Variants in RAD23B observed in about 807,000 individuals in gnomAD.
RAD23B encodes the protein lysine-specific demethylase RAD23B.
A neutral mutation model predicts 49.1 loss-of-function variants in RAD23B; 5 were observed. The ratio of observed to expected loss-of-function variants is 0.10; its 90% CI spans 0.05 to 0.21. The LOEUF (loss-of-function observed/expected upper bound fraction) is 0.21, where lower values mean the gene tolerates loss of function less well. RAD23B is among the 10% of genes least tolerant of loss of function. RAD23B has a pLI of 1.00. For missense variants in RAD23B, 356 were observed against 486.7 expected (o/e 0.73, Z 2.53); for synonymous variants, 184 against 165.4 (o/e 1.11, Z -0.86).
chr9:107,297,151 C>T (rs1157853243), intron 1 of RAD23B, among the ~76,000 whole-genome samples: 1 of 151,292 alleles, frequency 6.6e-6, no homozygotes, highest in African/African-American at 2.4e-5. Flanking sequence ...TGCGCCTGGC[C>T]TCTTAATTTC....
chr9:107,297,888 T>C (rs1365042330), intron 1 of RAD23B, among the ~76,000 whole-genome samples: 8 of 152,152 alleles, frequency 5.3e-5, no homozygotes, highest in African/African-American at 1.9e-4. Flanking sequence ...TTCCTGCATG[T>C]TTATTTTCTT....
rs1833195816 is a variant in RAD23B, at chr9:107,283,398, G to A, written c.-232G>A. 7.0e-6 allele frequency: 3 copies of A among 428,524 alleles called. No individual in the cohort carries two copies. In the South Asian group the frequency reaches 2.2e-4, roughly 32 times the overall value. 26.5% of individuals were successfully genotyped at this position (428,524 alleles called of 1,614,324 possible). ...TGGCGCTCGGCGCGTGAGGAAGCAC[G>A]GCGGCCCGAGTTCGCGGGGAAGGCC... On this transcript the variant is annotated 5_prime_UTR_variant, in exon 1 of 10. Coordinates refer to ENST00000358015, the MANE Select transcript of RAD23B (RefSeq NM_002874.5).
chr9:107,320,377 A>G (rs1285038453), intron 6 of RAD23B, among the ~76,000 whole-genome samples: 3 of 152,218 alleles, frequency 2.0e-5, no homozygotes, highest in East Asian at 3.8e-4. Flanking sequence ...AGAATTCTGT[A>G]TAAGTTCAAC....
intron 6 of RAD23B, among the ~76,000 whole-genome samples, chr9:107,319,221 C>A (rs1827061540): frequency 1.3e-5 from 2 of 150,960 alleles, no homozygotes. Context: ...AGCTCCACCT[C>A]CCAGGTTCAC....
At position 107,320,341 on chromosome 9, in the gene RAD23B, G is replaced by A. The variant is rs143497141; in HGVS notation, c.681+1462G>A. Among the ~76,000 whole-genome samples the A allele has an allele frequency of 1.5e-3, 231 of 152,284 alleles. 1 individual carries two copies. The highest frequency in any genetic ancestry group is 5.2e-3 in the African/African-American group (215 of 41,570). On this transcript the variant is annotated intron_variant, in intron 6 of 9. Transcript: ENST00000358015. The stretch of plus-strand genomic sequence containing the variant: ...TTGTATAAAAGTATTAGCTTTTATG[G>A]AGTGGCTTTCATTTACACCTGATTT...
intron 4 of RAD23B, among the ~76,000 whole-genome samples, chr9:107,309,945 AAAAAAC>A (rs1587856776): frequency 6.6e-6 from 1 of 151,268 alleles, no homozygotes. Context: ...AAAAAAAAAA[AAAAAAC>A]CAATGTGTGA....
Position 107,306,532 on chromosome 9 carries a change from C to G in RAD23B, c.382C>G (p.Pro128Ala). The G allele has an allele frequency of 6.2e-7, 1 of 1,614,118 alleles. No individual in the cohort carries two copies. ...CACTTCCACACCTGCATCCATCACT[C>G]CAGCATCAGCGACAGCATCTTCTGA... ...APTSTPASIT[P>A]ASATASSEPA... is the part of the protein sequence containing the mutation. Residue 128 changes from proline (P) to alanine (A), a missense_variant, in exon 4 of 10, where the codon CCA (proline) becomes GCA (alanine). Coordinates refer to ENST00000358015, the MANE Select transcript of RAD23B (RefSeq NM_002874.5).
intron 9 of RAD23B, among the ~76,000 whole-genome samples, chr9:107,328,537 C>T (rs964160058): frequency 2.0e-5 from 3 of 152,176 alleles, no homozygotes; most frequent in Non-Finnish European, 2.9e-5. Flanking sequence ...GGTTCATGCT[C>T]ATATGAGAAT....
rs536340565 is a variant in RAD23B at position 107,331,861 on chromosome 9, G to A, written c.*2205G>A. Reference sequence around the variant, plus strand: ...TTATCTGCTTCTTAAAGAATCAGCCGAGACACCATAAAAGAAATAGGCTTT... The same window carrying A: ...TTATCTGCTTCTTAAAGAATCAGCCAAGACACCATAAAAGAAATAGGCTTT... On this transcript the variant is annotated 3_prime_UTR_variant, in exon 10 of 10. Transcript: ENST00000358015. 116 of 560,794 alleles carry A rather than the reference G, an allele frequency of 2.1e-4. No homozygotes were observed. Among genetic ancestry groups the A allele is most frequent in the African/African-American group, 1.9e-3 (102 of 53,304 alleles). 34.7% of individuals were successfully genotyped at this position (560,794 alleles called of 1,614,324 possible). A position where few individuals can be genotyped will look rare whatever the true frequency, so the allele number is the denominator to read the frequency against.
At chr9:107,311,611 A>G in intron 4 of RAD23B, 71 bp from the exon 5 acceptor site, 1 of 1,018,518 alleles carries the variant, frequency 9.8e-7, no homozygotes, top group East Asian at 2.8e-5. Flanking sequence ...CCAATTGGAT[A>G]GTTACTAAAC....
rs1018103264 is a variant in RAD23B, at chr9:107,306,312, A to G, written c.229-67A>G. The G allele has an allele frequency of 2.9e-5, 43 of 1,466,906 alleles. No homozygotes were observed. The Admixed American group carries it at 8.0e-4, about 27-fold the overall frequency. 90.9% of individuals were successfully genotyped at this position (1,466,906 alleles called of 1,614,324 possible). On this transcript the variant is annotated intron_variant, in intron 3 of 9. Coordinates refer to ENST00000358015, the MANE Select transcript of RAD23B (RefSeq NM_002874.5). The stretch of plus-strand genomic sequence containing the variant: ...TGTTTGTGGCATCCTGTAACGGTAC[A>G]GTCTAATTAGAGATCAGGCAGTATG...
chr9:107,318,610 T>C lies in RAD23B; in HGVS notation c.554-142T>C. On this transcript the variant is annotated intron_variant, in intron 5 of 9. Coordinates refer to ENST00000358015, the MANE Select transcript of RAD23B (RefSeq NM_002874.5). The surrounding 1 kb of genome is among the most constrained non-coding windows in gnomAD (Gnocchi z 4.3). Reference sequence around the variant, plus strand: ...TTGGGGGACCATTACCTACTACATATATGTTGTAATTTATACTGTTACTCA... The same window carrying C: ...TTGGGGGACCATTACCTACTACATACATGTTGTAATTTATACTGTTACTCA... The C allele has an allele frequency of 3.3e-6, 3 of 895,662 alleles. No homozygotes were observed. Among genetic ancestry groups the C allele is most frequent in the East Asian group, 2.8e-5 (1 of 35,464 alleles). 55.5% of individuals were successfully genotyped at this position (895,662 alleles called of 1,614,324 possible). A position where few individuals can be genotyped will look rare whatever the true frequency, so the allele number is the denominator to read the frequency against.
At chr9:107,293,196 A>G (rs1833418650) in intron 1 of RAD23B, among the ~76,000 whole-genome samples, 1 of 152,196 alleles carries the variant, frequency 6.6e-6, no homozygotes, top group South Asian at 2.1e-4. Context: ...GATCCAAGAG[A>G]GCAAAATAGA....
chr9:107,286,498 G>T (rs1449646843), intron 1 of RAD23B, among the ~76,000 whole-genome samples: 1 of 152,156 alleles, frequency 6.6e-6, no homozygotes. Flanking sequence ...GACTATTACT[G>T]TGATACATTA....
At chr9:107,302,225 CT>C in intron 3 of RAD23B, 111 bp downstream of exon 3, 2 of 1,360,542 alleles carry the variant, frequency 1.5e-6, no homozygotes, top group Middle Eastern at 2.8e-4. Flanking sequence ...GTGGTGTACA[CT>C]TAACTACTAT....
At chr9:107,295,563 T>C (rs1482115298) in intron 1 of RAD23B, among the ~76,000 whole-genome samples, 1 of 152,136 alleles carries the variant, frequency 6.6e-6, no homozygotes, top group Non-Finnish European at 1.5e-5. Context: ...TTTAATAAGG[T>C]AGAAAGTGGT....
intron 3 of RAD23B, among the ~76,000 whole-genome samples, chr9:107,302,610 A>G (rs531741490): frequency 2.2e-4 from 33 of 152,042 alleles, no homozygotes; most frequent in Admixed American, 9.2e-4. Context: ...AAGATAACTA[A>G]AGAAATGATG....
chr9:107,316,901 CA>C (rs1827008705), intron 5 of RAD23B, among the ~76,000 whole-genome samples: 1 of 151,868 alleles, frequency 6.6e-6, no homozygotes, highest in Non-Finnish European at 1.5e-5. Context: ...GATGACTAGG[CA>C]ATGCCTTTTA....
At chr9:107,325,569 A>G (rs1488519579) in intron 9 of RAD23B, among the ~76,000 whole-genome samples, 1 of 152,196 alleles carries the variant, frequency 6.6e-6, no homozygotes, top group East Asian at 1.9e-4. Context: ...ATAAAAATAC[A>G]ATTTAATTGT....
Sources: gnomAD v4.1 joint callset for allele counts (sites outside exome capture counted in the v4.1 genomes callset) on GRCh38, gnomAD v4.1.1 for gene constraint, Gnocchi (gnomAD v3.1) non-coding constraint, MANE v1.5 for transcripts, NCBI Gene and HGNC (gene_info 2026-07-23, HGNC 2026-07-21) for gene names.